The following OSBPL2 variants were observed in gnomAD, a reference collection of about 807,000 sequenced individuals.
OSBPL2 encodes oxysterol-binding protein-related protein 2.
OSBPL2 carries 18 observed loss-of-function variants against 58.4 expected under a neutral mutation model. The ratio of observed to expected loss-of-function variants is 0.31; its 90% CI spans 0.21 to 0.46. The LOEUF (loss-of-function observed/expected upper bound fraction) is 0.46, where lower values mean the gene tolerates loss of function less well. OSBPL2 is among the 20% of genes least tolerant of loss of function. The pLI, the probability that OSBPL2 is intolerant of heterozygous loss-of-function variation, is 1.00. For synonymous variants in OSBPL2, 221 were observed against 234.1 expected (o/e 0.94, Z 0.51); for missense variants, 461 against 616.5 (o/e 0.75, Z 2.67).
At chr20:62,282,421 C>T (rs186953124) in intron 9 of OSBPL2, among the ~76,000 whole-genome samples, 1 of 152,320 alleles carries the variant, frequency 6.6e-6, no homozygotes, top group East Asian at 1.9e-4. Flanking sequence ...GGGTTAATTA[C>T]TTTGTAATCT....
chr20:62,254,310 A>G (rs1980776851), intron 1 of OSBPL2, among the ~76,000 whole-genome samples: 1 of 152,208 alleles, frequency 6.6e-6, no homozygotes, highest in African/African-American at 2.4e-5. Context: ...TGGCAAGAGG[A>G]GCCCAGTCCT....
intron 8 of OSBPL2, 105 bp from the exon 9 acceptor site, chr20:62,281,685 C>T: frequency 2.6e-6 from 2 of 781,076 alleles, no homozygotes; most frequent in Non-Finnish European, 4.5e-6. Context: ...TGCAGTCACC[C>T]CCCGCCTGCC....
chr20:62,251,403 G>A (rs1396693095), intron 1 of OSBPL2, among the ~76,000 whole-genome samples: 1 of 140,880 alleles, frequency 7.1e-6, no homozygotes, highest in Non-Finnish European at 1.5e-5. Flanking sequence ...TCATACTATC[G>A]TGACTTTTTT....
intron 12 of OSBPL2, among the ~76,000 whole-genome samples, 155 bp downstream of exon 12, chr20:62,289,485 A>G (rs1983352104): frequency 6.6e-6 from 1 of 152,240 alleles, no homozygotes; most frequent in Non-Finnish European, 1.5e-5. Context: ...CAGGCCTTCT[A>G]ACTAGGCTTC....
chr20:62,259,650 A>C (rs1981162882), intron 2 of OSBPL2, among the ~76,000 whole-genome samples: 1 of 152,190 alleles, frequency 6.6e-6, no homozygotes, highest in African/African-American at 2.4e-5. Context: ...GCCCACCCAG[A>C]GCATGTAGGT....
Position 62,269,685 on chromosome 20 carries a change from G to A in OSBPL2, c.259-2440G>A, listed in dbSNP as rs1165812368. Among the ~76,000 whole-genome samples, 2 of 152,232 alleles carry A rather than the reference G, an allele frequency of 1.3e-5. No homozygotes were observed. Among genetic ancestry groups the A allele is most frequent in the Non-Finnish European group, 2.9e-5 (2 of 68,038 alleles). ...GAGGCTGTTGATCCTGGTCTGGAAT[G>A]TAAATTGCAAATGCTCCCCCATCTG... On this transcript the variant is annotated intron_variant, in intron 4 of 13. Transcript: ENST00000313733. The surrounding 1 kb of genome is among the most constrained non-coding windows in gnomAD (Gnocchi z 4.2).
chr20:62,265,694 A>C (rs1981615709), intron 4 of OSBPL2, among the ~76,000 whole-genome samples: 1 of 152,046 alleles, frequency 6.6e-6, no homozygotes, highest in African/African-American at 2.4e-5. Flanking sequence ...ACCATTTGAG[A>C]TTTTTTTTCT....
chr20:62,264,235 A>T (rs1004705372), intron 4 of OSBPL2, among the ~76,000 whole-genome samples: 33 of 152,146 alleles, frequency 2.2e-4, no homozygotes, highest in Non-Finnish European at 4.1e-4. Flanking sequence ...GGCCTGCGTG[A>T]GGTGGGTGGG....
In OSBPL2 at chr20:62,296,050, G is replaced by A. The variant is rs1008309324; in HGVS notation, c.*2163G>A. On this transcript the variant is annotated 3_prime_UTR_variant, in exon 14 of 14. Coordinates refer to ENST00000313733, the MANE Select transcript of OSBPL2 (RefSeq NM_144498.4). ...CTGATGGCAAAAGCGGCTGTGTGTC[G>A]AGGTTATTTTAACTTTTTACTACTT... The A allele has an allele frequency of 6.6e-6, 1 of 152,198 alleles. No individual in the cohort carries two copies. The allele number at this position is 152,198 out of a possible 1,614,324, so 9.4% of individuals were successfully genotyped here.
chr20:62,292,668 C>T (rs1019592213), intron 13 of OSBPL2, among the ~76,000 whole-genome samples: 1 of 152,132 alleles, frequency 6.6e-6, no homozygotes, highest in Non-Finnish European at 1.5e-5. Context: ...GTTTGTGAAG[C>T]ATCTTAATTC....
At chr20:62,289,766 A>C (rs1983369436) in intron 12 of OSBPL2, among the ~76,000 whole-genome samples, 1 of 151,968 alleles carries the variant, frequency 6.6e-6, no homozygotes, top group South Asian at 2.1e-4. Flanking sequence ...TTAGGCGGTC[A>C]TGGTGGCGCC....
chr20:62,284,966 G>C (rs1259263689), intron 10 of OSBPL2: 1 of 152,168 alleles, frequency 6.6e-6, no homozygotes, highest in African/African-American at 2.4e-5. Flanking sequence ...TACTGGCAAG[G>C]CTTTTCCCCT....
chr20:62,279,569 ATTCATTG>A, intron 7 of OSBPL2: 1 of 560,940 alleles, frequency 1.8e-6, no homozygotes. Context: ...CGGTCACATC[ATTCATTG>A]TATGACCAGG....
intron 11 of OSBPL2, among the ~76,000 whole-genome samples, chr20:62,287,233 TG>T (rs1311925359): frequency 2.0e-5 from 3 of 152,080 alleles, no homozygotes; most frequent in African/African-American, 4.8e-5. Flanking sequence ...AAATAAAATA[TG>T]TGATATATGG....
intron 3 of OSBPL2, among the ~76,000 whole-genome samples, chr20:62,262,083 AC>A (rs11307126): frequency 0.9 from 128,204 of 142,258 alleles, 57,583 homozygotes; most frequent in East Asian, 0.97. Context: ...ACAGATCTGG[AC>A]CCCCCCCCCA....
At chr20:62,274,661 T>A (rs1232132706) in intron 6 of OSBPL2, among the ~76,000 whole-genome samples, 2 of 152,216 alleles carry the variant, frequency 1.3e-5, no homozygotes, top group African/African-American at 4.8e-5. Context: ...CACCCTTCAC[T>A]CTTCTGACTG....
At chr20:62,287,608 C>T (rs1010098496) in intron 11 of OSBPL2, among the ~76,000 whole-genome samples, 2 of 152,148 alleles carry the variant, frequency 1.3e-5, no homozygotes, top group African/African-American at 4.8e-5. Flanking sequence ...AGGCGTGTGC[C>T]ACCATGCCAG....
chr20:62,274,325 A>C (rs1982251864), intron 6 of OSBPL2, among the ~76,000 whole-genome samples: 1 of 152,226 alleles, frequency 6.6e-6, no homozygotes, highest in Non-Finnish European at 1.5e-5. Context: ...TCAGCCATTG[A>C]GCAGCCTGGC....
intron 3 of OSBPL2, among the ~76,000 whole-genome samples, chr20:62,262,533 G>A (rs1601168074): frequency 6.6e-6 from 1 of 152,236 alleles, no homozygotes; most frequent in Admixed American, 6.5e-5. Context: ...GGACGATGGC[G>A]GAGCAGAGCT....
Sources: allele counts gnomAD v4.1 joint callset (sites outside exome capture counted in the v4.1 genomes callset), GRCh38; gene constraint gnomAD v4.1.1; non-coding constraint Gnocchi (gnomAD v3.1); transcripts MANE v1.5; gene names NCBI Gene and HGNC (gene_info 2026-07-23, HGNC 2026-07-21).